CCDC125: variants seen among roughly 807,000 people sequenced by gnomAD.
CCDC125 encodes the protein coiled-coil domain containing 125.
In CCDC125, 43 loss-of-function variants were observed where a neutral mutation model predicts 57.4. The ratio of observed to expected loss-of-function variants is 0.75; its 90% CI spans 0.59 to 0.97. The LOEUF is 0.97. Ranked by LOEUF, CCDC125 falls within the 50% of genes least tolerant of loss-of-function variation. CCDC125 has a pLI of 0.00. For missense variants in CCDC125, 563 were observed against 595.7 expected (o/e 0.95, Z 0.57); for synonymous variants, 187 against 195.2 (o/e 0.96, Z 0.35).
At chr5:69,306,950 C>G in intron 5 of CCDC125, 48 bp from the exon 6 acceptor site, 1 of 1,394,618 alleles carries the variant, frequency 7.2e-7, no homozygotes, top group Non-Finnish European at 9.4e-7. Context: ...ACAAATAAAT[C>G]ATTTCAGGAC....
chr5:69,277,030 G>A, downstream of CCDC125: 1 of 1,251,942 alleles, frequency 8.0e-7, no homozygotes, highest in Non-Finnish European at 1.1e-6. Flanking sequence ...TGCAGTGACT[G>A]GTTAAAATTG....
chr5:69,294,254 A>G lies in CCDC125; in HGVS notation c.924+539T>C, dbSNP rs1416423890. 1.1e-5 allele frequency: 5 copies of G among 440,968 alleles called. No individual in the cohort carries two copies. In the East Asian group the frequency reaches 4.7e-4, roughly 41 times the overall value. The allele number at this position is 440,968 out of a possible 1,614,324, so 27.3% of individuals were successfully genotyped here. On this transcript the variant is annotated intron_variant, in intron 9 of 11. Coordinates refer to ENST00000396496, the MANE Select transcript of CCDC125 (RefSeq NM_176816.5). ...AGAACATATAAATTTTAGGAATATT[A>G]ATTATGAACTTAGGCAAATGACTTT...
intron 7 of CCDC125, among the ~76,000 whole-genome samples, chr5:69,301,511 G>C (rs912976901): frequency 1.3e-5 from 2 of 151,952 alleles, no homozygotes; most frequent in African/African-American, 2.4e-5. Flanking sequence ...AAGGCGAGCA[G>C]ATCACCTGAG....
At chr5:69,279,475 C>T (rs900650053), downstream of CCDC125, among the ~76,000 whole-genome samples, 27 of 152,154 alleles carry the variant, frequency 1.8e-4, no homozygotes, top group African/African-American at 5.6e-4. Context: ...GGATTACAGG[C>T]GTGAGCCACC....
downstream of CCDC125, among the ~76,000 whole-genome samples, chr5:69,278,445 C>A (rs1025250806): frequency 1.3e-5 from 2 of 151,036 alleles, no homozygotes; most frequent in African/African-American, 4.9e-5. Context: ...GAACTCCTGA[C>A]CTTTTCATCC....
At chr5:69,329,499 CTTTTTTTTTT>C (rs535306741) in intron 1 of CCDC125, among the ~76,000 whole-genome samples, 2 of 95,306 alleles carry the variant, frequency 2.1e-5, no homozygotes, top group East Asian at 3.4e-4. Context: ...GGATTCAAGT[CTTTTTTTTTT>C]TTTTTTTTTT....
At chr5:69,293,622 T>G (rs1000911684) in intron 9 of CCDC125, among the ~76,000 whole-genome samples, 2 of 142,412 alleles carry the variant, frequency 1.4e-5, no homozygotes, top group East Asian at 2.1e-4. Flanking sequence ...CATTCCAGCC[T>G]GGGCGACAGA....
In CCDC125 at chr5:69,282,999, T is replaced by A; in HGVS notation, c.1266A>T (p.Arg422Ser). The A allele has an allele frequency of 6.2e-6, 10 of 1,605,188 alleles. No individual in the cohort carries two copies. Among genetic ancestry groups the A allele is most frequent in the Non-Finnish European group, 8.5e-6 (10 of 1,176,872 alleles). The change falls in exon 12 of 12, where the codon AGA (arginine) becomes AGT (serine). Residue 422 changes from arginine (R) to serine (S), a missense_variant. Arg to Ser is a moderately radical substitution (Grantham distance 110). Coordinates refer to ENST00000396496, the MANE Select transcript of CCDC125 (RefSeq NM_176816.5). ...CCCGAGCAAGCATGTAGCTAACTTTTCTTTGATGAGCCAAAGCTTCTTCTT... is the reference window on the plus strand; with the variant it reads ...CCCGAGCAAGCATGTAGCTAACTTTACTTTGATGAGCCAAAGCTTCTTCTT... Reference protein sequence around the residue: ...NDKEEALAHQRKVSYMLARAL... With the variant: ...NDKEEALAHQSKVSYMLARAL...
At chr5:69,277,990 T>TG (rs1282126830), downstream of CCDC125, among the ~76,000 whole-genome samples, 2 of 152,112 alleles carry the variant, frequency 1.3e-5, no homozygotes, top group Non-Finnish European at 2.9e-5. Flanking sequence ...GTGATTCACT[T>TG]GCTTCAGCCT....
chr5:69,298,461 G>A (rs924229301), intron 8 of CCDC125, among the ~76,000 whole-genome samples: 2 of 152,192 alleles, frequency 1.3e-5, no homozygotes, highest in Non-Finnish European at 2.9e-5. Context: ...CGTGAAGCAC[G>A]GAGTGAGCTT....
Position 69,292,749 on chromosome 5 carries a change from T to G in CCDC125, c.925-387A>C, listed in dbSNP as rs143340815. ...CAGACCACACCACTGAAAATAATGA[T>G]GAATACGACCTTTCAAATACGTCTT... On this transcript the variant is annotated intron_variant, in intron 9 of 11. Coordinates refer to ENST00000396496, the MANE Select transcript of CCDC125 (RefSeq NM_176816.5). Among the ~76,000 whole-genome samples, 1,076 of 152,276 alleles carry G rather than the reference T, an allele frequency of 7.1e-3. 12 individuals are homozygous for G. The highest frequency in any genetic ancestry group is 0.025 in the African/African-American group (1,034 of 41,568).
rs367895646 is a variant in CCDC125 at position 69,316,124 on chromosome 5, A to G, written c.305-2078T>C. Among the ~76,000 whole-genome samples, 49 of 152,334 alleles carry G rather than the reference A, an allele frequency of 3.2e-4. 1 individual carries two copies. The highest frequency in any genetic ancestry group is 1.1e-3 in the African/African-American group (45 of 41,584). ...CTAAATCATGTTTGTACTGTGATTG[A>G]TGATACAGGCTTCCAAGGAGGGCAG... On this transcript the variant is annotated intron_variant, in intron 2 of 11. Transcript: ENST00000396496.
At chr5:69,328,721 T>C (rs573553436) in intron 1 of CCDC125, among the ~76,000 whole-genome samples, 4 of 152,280 alleles carry the variant, frequency 2.6e-5, no homozygotes, top group Admixed American at 6.5e-5. Flanking sequence ...TCTAAGAATA[T>C]CTACAGCTGA....
intron 8 of CCDC125, among the ~76,000 whole-genome samples, chr5:69,296,028 C>A (rs1015343045): frequency 2.0e-5 from 3 of 151,828 alleles, no homozygotes; most frequent in Admixed American, 2.0e-4. Flanking sequence ...GGACTACAGG[C>A]GCCACCACGC....
At chr5:69,316,337 T>G (rs1759098467) in intron 2 of CCDC125, among the ~76,000 whole-genome samples, 1 of 152,194 alleles carries the variant, frequency 6.6e-6, no homozygotes, top group Non-Finnish European at 1.5e-5. Context: ...AGTGTACTCA[T>G]AAGAGTCCTT....
Position 69,282,663 on chromosome 5 carries a change from A to G in CCDC125, c.*66T>C. The G allele has an allele frequency of 7.3e-7, 1 of 1,373,394 alleles. No individual in the cohort carries two copies. Among genetic ancestry groups the G allele is most frequent in the Non-Finnish European group, 9.9e-7 (1 of 1,014,934 alleles). The allele number at this position is 1,373,394 out of a possible 1,614,324, so 85.1% of individuals were successfully genotyped here. ...AACTTCTCAAGATGCAGCAAAATTT[A>G]CAAAATCATTTTTCAAAGTATCTCG... is the stretch of plus-strand genomic sequence containing the variant. On this transcript the variant is annotated 3_prime_UTR_variant, in exon 12 of 12. Transcript: ENST00000396496.
At chr5:69,317,494 A>C (rs116451949) in intron 2 of CCDC125, among the ~76,000 whole-genome samples, 1,556 of 152,314 alleles carry the variant, frequency 0.01, 23 homozygotes, top group African/African-American at 0.036. Context: ...GCTACCACGT[A>C]TTTTTGTAAA....
chr5:69,310,451 T>G (rs1437131816), intron 4 of CCDC125: 2 of 156,978 alleles, frequency 1.3e-5, no homozygotes, highest in African/African-American at 4.8e-5. Flanking sequence ...ACGTAGGAAC[T>G]GCCTTTCACC....
rs73772381 is a variant in CCDC125 at position 69,305,643 on chromosome 5, C to T, written c.617+1174G>A. Among the ~76,000 whole-genome samples the T allele has an allele frequency of 2.7e-3, 416 of 152,314 alleles. 2 individuals are homozygous for T. Among genetic ancestry groups the T allele is most frequent in the African/African-American group, 8.1e-3 (338 of 41,570 alleles). ...TTTGCTGAGGGCAGTCACTCTCTGG[C>T]GCCGTGCTCCTTGAGGTTATCTACT... On this transcript the variant is annotated intron_variant, in intron 6 of 11. Transcript: ENST00000396496.
Sources: gnomAD v4.1 joint callset for allele counts (sites outside exome capture counted in the v4.1 genomes callset) on GRCh38, gnomAD v4.1.1 for gene constraint, MANE v1.5 for transcripts, NCBI Gene and HGNC (gene_info 2026-07-23, HGNC 2026-07-21) for gene names.